The following RBFOX1 variants were observed in gnomAD, a reference collection of about 807,000 sequenced individuals.
RBFOX1 encodes the protein RNA binding fox-1 homolog 1.
Under a neutral mutation model 57.7 loss-of-function variants are expected in RBFOX1, and 8 were observed. The observed-to-expected ratio is 0.14, with a 90% CI of 0.08 to 0.25. RBFOX1 has a LOEUF of 0.25. Among genes scored for constraint, RBFOX1 ranks in the 10% least tolerant of loss-of-function variants. RBFOX1 has a pLI of 1.00. For synonymous variants in RBFOX1, 326 were observed against 222.4 expected (o/e 1.47, Z -4.15); for missense variants, 611 against 548.5 (o/e 1.11, Z -1.14).
intron 1 of RBFOX1, among the ~76,000 whole-genome samples, chr16:6,252,968 T>C (rs1457056278): frequency 2.0e-5 from 3 of 152,194 alleles, no homozygotes; most frequent in South Asian, 2.1e-4. Context: ...CTTAGTGATA[T>C]AATGCTTTCT....
At chr16:7,506,966 G>A (rs1489361943) in intron 4 of RBFOX1, among the ~76,000 whole-genome samples, 3 of 152,136 alleles carry the variant, frequency 2.0e-5, no homozygotes, top group African/African-American at 7.2e-5. Context: ...GGACTTTCTA[G>A]ATTATAAAAT....
At chr16:5,781,092 C>G (rs2054308822) in intron 3 of RBFOX1, among the ~76,000 whole-genome samples, 1 of 152,172 alleles carries the variant, frequency 6.6e-6, no homozygotes, top group African/African-American at 2.4e-5. Flanking sequence ...CTCCTTGATT[C>G]TAAAACTAGG....
chr16:5,484,894 C>CAAA (rs1337919913), intron 2 of RBFOX1, among the ~76,000 whole-genome samples: 4 of 134,374 alleles, frequency 3.0e-5, no homozygotes, highest in South Asian at 2.4e-4. Context: ...AGACTCCATC[C>CAAA]AAAAAAAAAA....
chr16:5,506,112 C>T (rs1181351649), intron 2 of RBFOX1, among the ~76,000 whole-genome samples: 4 of 152,182 alleles, frequency 2.6e-5, no homozygotes, highest in Non-Finnish European at 5.9e-5. Context: ...CTGCCTCACA[C>T]ACCTCCTCCT....
At chr16:7,463,370 T>G (rs1330294378) in intron 4 of RBFOX1, among the ~76,000 whole-genome samples, 2 of 152,082 alleles carry the variant, frequency 1.3e-5, no homozygotes, top group Non-Finnish European at 2.9e-5. Flanking sequence ...TGGGTGTGAT[T>G]GTGGGTGCCT....
intron 4 of RBFOX1, among the ~76,000 whole-genome samples, chr16:5,900,505 C>G (rs1231129672): frequency 6.6e-6 from 1 of 152,080 alleles, no homozygotes; most frequent in South Asian, 2.1e-4. Context: ...TTTTTTAGCC[C>G]TTTTGCCCCA....
intron 2 of RBFOX1, among the ~76,000 whole-genome samples, chr16:6,392,707 G>T (rs558656401): frequency 8.5e-5 from 13 of 152,190 alleles, no homozygotes; most frequent in Non-Finnish European, 1.6e-4. Context: ...ATATCTGGGG[G>T]CACTCCAGAT....
intron 1 of RBFOX1, among the ~76,000 whole-genome samples, chr16:6,171,753 G>A (rs2096962152): frequency 6.6e-6 from 1 of 152,176 alleles, no homozygotes; most frequent in Admixed American, 6.5e-5. Flanking sequence ...CAGATGAATA[G>A]TAAGAGTGAT....
chr16:6,874,830 G>T (rs2061547955), intron 3 of RBFOX1, among the ~76,000 whole-genome samples: 1 of 152,072 alleles, frequency 6.6e-6, no homozygotes, highest in Non-Finnish European at 1.5e-5. Flanking sequence ...TGGGTGATGG[G>T]TGCATCAAAA....
intron 3 of RBFOX1, among the ~76,000 whole-genome samples, chr16:6,987,041 C>T (rs1024871977): frequency 9.2e-5 from 14 of 152,056 alleles, no homozygotes; most frequent in African/African-American, 2.9e-4. Context: ...CAAATAAGGC[C>T]TTGTGGAGAG....
chr16:7,112,179 TC>T (rs2064918550), intron 4 of RBFOX1, among the ~76,000 whole-genome samples: 1 of 152,180 alleles, frequency 6.6e-6, no homozygotes, highest in Admixed American at 6.5e-5. Flanking sequence ...ACTTTGTTTT[TC>T]TATGTCATCC....
At chr16:6,912,463 C>T (rs916954083) in intron 3 of RBFOX1, among the ~76,000 whole-genome samples, 3 of 152,038 alleles carry the variant, frequency 2.0e-5, no homozygotes, top group African/African-American at 7.2e-5. Flanking sequence ...TCCTTTCCAG[C>T]CCTGCGGCTC....
intron 3 of RBFOX1, among the ~76,000 whole-genome samples, chr16:7,000,596 CTTTTTTTTTTT>C (rs759103545): frequency 1.1e-5 from 1 of 92,596 alleles, no homozygotes; most frequent in African/African-American, 4.2e-5. Flanking sequence ...CTTTTTCTTT[CTTTTTTTTTTT>C]TTTTTTTTTT....
At chr16:6,070,640 A>G (rs1310145804) in intron 1 of RBFOX1, among the ~76,000 whole-genome samples, 1 of 151,568 alleles carries the variant, frequency 6.6e-6, no homozygotes, top group Non-Finnish European at 1.5e-5. Context: ...TCCTTGTTAA[A>G]CTGAGTAATC....
Position 5,756,383 on chromosome 16 carries a change from A to G in RBFOX1, c.319-110920A>G, listed in dbSNP as rs139100782. Among the ~76,000 whole-genome samples the G allele has an allele frequency of 8.5e-4, 129 of 152,270 alleles. 1 individual carries two copies. The highest frequency in any genetic ancestry group is 2.8e-3 in the African/African-American group (118 of 41,550). On this transcript the variant is annotated intron_variant, in intron 3 of 19. Coordinates refer to the RBFOX1 transcript ENST00000641259. ...AAACTGGAAAAGCTACAGACATGGC[A>G]GTGAGAAAAGATGGATACCGTTTTT... is the stretch of plus-strand genomic sequence containing the variant.
intron 3 of RBFOX1, among the ~76,000 whole-genome samples, chr16:5,710,910 A>G (rs2051464108): frequency 6.6e-6 from 1 of 152,194 alleles, no homozygotes; most frequent in Non-Finnish European, 1.5e-5. Flanking sequence ...AGCAAGGAAA[A>G]CATTAGCTTA....
chr16:5,560,793 T>C (rs1193400311), intron 2 of RBFOX1, among the ~76,000 whole-genome samples: 1 of 152,198 alleles, frequency 6.6e-6, no homozygotes, highest in Non-Finnish European at 1.5e-5. Flanking sequence ...AAATCTAACA[T>C]ATACTTTGCA....
At chr16:7,662,174 T>C (rs2067931136) in intron 12 of RBFOX1, among the ~76,000 whole-genome samples, 1 of 152,172 alleles carries the variant, frequency 6.6e-6, no homozygotes. Flanking sequence ...TTACAGAAGA[T>C]CAGAGACAGA....
chr16:6,521,736 G>A (rs2096503288), intron 2 of RBFOX1, among the ~76,000 whole-genome samples: 1 of 152,058 alleles, frequency 6.6e-6, no homozygotes, highest in African/African-American at 2.4e-5. Flanking sequence ...AAAATTTCTG[G>A]GACTTGACTT....
Sources: gnomAD v4.1 joint callset for allele counts (sites outside exome capture counted in the v4.1 genomes callset) on GRCh38, gnomAD v4.1.1 for gene constraint, MANE v1.5 for transcripts, NCBI Gene and HGNC (gene_info 2026-07-23, HGNC 2026-07-21) for gene names.